Variants in RNF24 observed in about 807,000 individuals in gnomAD.
The protein encoded by RNF24 is ring finger protein 24.
RNF24 carries 14 observed loss-of-function variants against 20.0 expected under a neutral mutation model. The observed-to-expected ratio is 0.70, with a 90% CI of 0.46 to 1.10. The LOEUF is 1.10. Ranked by LOEUF, RNF24 falls within the 50% of genes least tolerant of loss-of-function variation. The pLI is 0.00. For missense variants in RNF24, 124 were observed against 177.6 expected, an observed-to-expected ratio of 0.70 and a Z score of 1.71; for synonymous variants, 45 against 61.1, an observed-to-expected ratio of 0.74 and a Z score of 1.23.
At chr20:3,982,103 G>GTCTCTCTCTCACTCTCTC (rs1979446543) in intron 1 of RNF24, among the ~76,000 whole-genome samples, 1 of 137,026 alleles carries the variant, frequency 7.3e-6, no homozygotes, top group Non-Finnish European at 1.6e-5. Flanking sequence ...GTGAGACCTC[G>GTCTCTCTCTCACTCTCTC]TCTCTCTCTC....
chr20:3,967,886 G>A (rs568490902), intron 1 of RNF24, among the ~76,000 whole-genome samples: 9 of 150,334 alleles, frequency 6.0e-5, no homozygotes, highest in African/African-American at 2.0e-4. Flanking sequence ...CCAGCTACTC[G>A]GGAGGCTGAG....
chr20:4,009,378 G>T (rs936326577), intron 1 of RNF24, among the ~76,000 whole-genome samples: 1 of 152,144 alleles, frequency 6.6e-6, no homozygotes. Context: ...CCCCTGGAGA[G>T]TTGCTGATGA....
chr20:3,981,761 T>G (rs1979404520), intron 1 of RNF24, among the ~76,000 whole-genome samples: 1 of 152,212 alleles, frequency 6.6e-6, no homozygotes, highest in Non-Finnish European at 1.5e-5. Flanking sequence ...AACACTACTC[T>G]TCCTCTTTAA....
At chr20:4,004,244 C>G (rs1209909547) in intron 1 of RNF24, among the ~76,000 whole-genome samples, 1 of 152,176 alleles carries the variant, frequency 6.6e-6, no homozygotes, top group Non-Finnish European at 1.5e-5. Context: ...ATGAAACCTG[C>G]CTTGACCCCA....
In RNF24 at chr20:3,966,507, T is replaced by TGTGTGTGTGTGTGTG. The variant is rs60638000; in HGVS notation, c.-7-2484_-7-2483insCACACACACACACAC. Among the ~76,000 whole-genome samples the TGTGTGTGTGTGTGTG allele has an allele frequency of 6.1e-4, 89 of 145,406 alleles. 1 individual carries two copies. Among genetic ancestry groups the TGTGTGTGTGTGTGTG allele is most frequent in the Middle Eastern group, 3.6e-3 (1 of 274 alleles). On this transcript the variant is annotated intron_variant, in intron 1 of 5. Coordinates refer to ENST00000358395, the MANE Select transcript of RNF24 (RefSeq NM_001134337.3). ...GTGTGTGTGTGTGTGTGTGTGTGTG[T>TGTGTGTGTGTGTGTG]TTGGGGAAAGGGAATGACATTAAAT... is the stretch of plus-strand genomic sequence containing the variant.
chr20:3,966,304 A>T (rs1044931393), intron 1 of RNF24, among the ~76,000 whole-genome samples: 1 of 152,196 alleles, frequency 6.6e-6, no homozygotes, highest in African/African-American at 2.4e-5. Context: ...GCTAAATGTC[A>T]GAGCTTGGCC....
At position 3,946,881 on chromosome 20, in the gene RNF24, C is replaced by T. The variant is rs569127994; in HGVS notation, c.186+1356G>A. 7.2e-5 allele frequency among the ~76,000 whole-genome samples: 11 copies of T among 151,952 alleles called. No individual in the cohort carries two copies. In the East Asian group the frequency reaches 1.4e-3, roughly 19 times the overall value. Reference sequence around the variant, plus strand: ...AGCTCAGATTTCAAACATACATGGACGAAAGATGAACAGAAAGATAAGCAG... The same window carrying T: ...AGCTCAGATTTCAAACATACATGGATGAAAGATGAACAGAAAGATAAGCAG... On this transcript the variant is annotated intron_variant, in intron 3 of 5. Transcript: ENST00000358395.
At chr20:4,010,027 G>T (rs1177507978) in intron 1 of RNF24, among the ~76,000 whole-genome samples, 1 of 147,174 alleles carries the variant, frequency 6.8e-6, no homozygotes, top group Non-Finnish European at 1.5e-5. Context: ...CTCCAGCCTG[G>T]GTGAAAGAGT....
intron 1 of RNF24, among the ~76,000 whole-genome samples, chr20:3,985,488 A>G (rs1979805223): frequency 1.3e-5 from 2 of 151,480 alleles, no homozygotes; most frequent in South Asian, 4.2e-4. Context: ...ATTTCTTCAC[A>G]TTTTGGATTT....
intron 1 of RNF24, among the ~76,000 whole-genome samples, chr20:4,007,749 A>G (rs932590368): frequency 6.6e-6 from 1 of 150,616 alleles, no homozygotes; most frequent in Non-Finnish European, 1.5e-5. Context: ...AAAAAAAAAA[A>G]AAAAAAAAGA....
At chr20:4,007,943 C>T (rs79512563) in intron 1 of RNF24, among the ~76,000 whole-genome samples, 3 of 151,112 alleles carry the variant, frequency 2.0e-5, no homozygotes, top group African/African-American at 7.3e-5. Flanking sequence ...CCCCGCCCCC[C>T]ACAAAACCAA....
At chr20:3,942,613 C>T (rs1405714000) in intron 4 of RNF24, among the ~76,000 whole-genome samples, 1 of 152,052 alleles carries the variant, frequency 6.6e-6, no homozygotes, top group Non-Finnish European at 1.5e-5. Context: ...GCTGGGACTA[C>T]AGGCACCCAC....
intron 2 of RNF24, among the ~76,000 whole-genome samples, chr20:3,963,346 CCA>C (rs1282389799): frequency 6.6e-6 from 1 of 152,160 alleles, no homozygotes; most frequent in African/African-American, 2.4e-5. Flanking sequence ...GCATGAGCCA[CCA>C]CGCCCAGCTA....
At chr20:3,983,374 C>A (rs1398559849) in intron 1 of RNF24, among the ~76,000 whole-genome samples, 1 of 151,986 alleles carries the variant, frequency 6.6e-6, no homozygotes, top group East Asian at 1.9e-4. Flanking sequence ...TAAATGGGGT[C>A]TTTTTTCCTT....
rs1386001447 is a variant in RNF24 at position 3,934,471 on chromosome 20, TCA to T, written c.309-272_309-271del. Among the ~76,000 whole-genome samples, 1 of 152,130 alleles carries T rather than the reference TCA, an allele frequency of 6.6e-6. No homozygotes were observed. Among genetic ancestry groups the T allele is most frequent in the East Asian group, 1.9e-4 (1 of 5,194 alleles). On this transcript the variant is annotated intron_variant, in intron 5 of 5. Coordinates refer to ENST00000358395, the MANE Select transcript of RNF24 (RefSeq NM_001134337.3). This position sits in a 1 kb window ranked among gnomAD's most constrained non-coding sequence, Gnocchi z 4.0. ...AAGCCACAGATAGTATGTGATACTC[TCA>T]GTTACCCATGACTTCTTACAAGAAC...
chr20:3,952,801 T>G (rs1285829146), intron 2 of RNF24, among the ~76,000 whole-genome samples: 1 of 152,326 alleles, frequency 6.6e-6, no homozygotes, highest in Non-Finnish European at 1.5e-5. Flanking sequence ...TATGATATTA[T>G]ACTATTAATG....
chr20:3,928,735 G>C lies in RNF24; in HGVS notation c.*5328C>G. 1 of 103,268 alleles carries C rather than the reference G, an allele frequency of 9.7e-6. No homozygotes were observed. The highest frequency in any genetic ancestry group is 3.1e-4 in the East Asian group (1 of 3,196). The allele number at this position is 103,268 out of a possible 1,614,324, so 6.4% of individuals were successfully genotyped here. On this transcript the variant is annotated 3_prime_UTR_variant, in exon 6 of 6. Transcript: ENST00000358395. ...TGCATTCCAGCCTGGGTGACAGAGC[G>C]AGACTCCGTCTCAAAAAAAAAAAAA...
intron 1 of RNF24, among the ~76,000 whole-genome samples, chr20:3,995,549 A>C (rs1232803871): frequency 1.3e-5 from 2 of 152,260 alleles, no homozygotes; most frequent in Non-Finnish European, 2.9e-5. Context: ...TAAGATGTTC[A>C]TGACTAATTC....
intron 1 of RNF24, among the ~76,000 whole-genome samples, chr20:4,012,576 CA>C (rs1463073238): frequency 2.0e-5 from 3 of 152,174 alleles, no homozygotes; most frequent in Admixed American, 6.5e-5. Context: ...CCATCACTAA[CA>C]TAATATTACT....
Sources: gnomAD v4.1 joint callset for allele counts (sites outside exome capture counted in the v4.1 genomes callset) on GRCh38, gnomAD v4.1.1 for gene constraint, Gnocchi (gnomAD v3.1) non-coding constraint, MANE v1.5 for transcripts, NCBI Gene and HGNC (gene_info 2026-07-23, HGNC 2026-07-21) for gene names.